Variants in ABCC6 observed in about 807,000 individuals in gnomAD.
ABCC6 encodes the protein ATP-binding cassette sub-family C member 6.
In ABCC6, 126 loss-of-function variants were observed where a neutral mutation model predicts 169.5. The ratio of observed to expected loss-of-function variants is 0.74; its 90% CI spans 0.64 to 0.86. The LOEUF (loss-of-function observed/expected upper bound fraction) is 0.86. Among genes scored for constraint, ABCC6 ranks in the 40% least tolerant of loss-of-function variants. The probability of loss-of-function intolerance (pLI) is 0.00; values close to 1 mark genes in which losing one functional copy is unlikely to be tolerated. For missense variants in ABCC6, 1,733 were observed against 1,927.2 expected (o/e 0.90, Z 1.89); for synonymous variants, 752 against 814.7 (o/e 0.92, Z 1.31).
Position 16,166,791 on chromosome 16 carries a change from TGAG to T in ABCC6, c.2996-861_2996-859del, listed in dbSNP as rs2046889695. On this transcript the variant is annotated intron_variant, in intron 22 of 30. Coordinates refer to ENST00000205557, the MANE Select transcript of ABCC6 (RefSeq NM_001171.6). ...CTGTAGTCCTAGCTACTCAGGAGGC[TGAG>T]TCAGGAGAAACACTGGAACCCAGGA... Among the ~76,000 whole-genome samples, 6 of 152,090 alleles carry T rather than the reference TGAG, an allele frequency of 3.9e-5. 1 individual carries two copies. Among genetic ancestry groups the T allele is most frequent in the Admixed American group, 3.3e-4 (5 of 15,268 alleles).
intron 4 of ABCC6, 123 bp from the exon 5 acceptor site, chr16:16,214,572 A>G (rs967988151): frequency 1.9e-5 from 28 of 1,498,340 alleles, no homozygotes; most frequent in Non-Finnish European, 2.4e-5. Context: ...TTTGAAAGCC[A>G]GAGCCCTGGC....
chr16:16,174,224 A>T (rs533642596), intron 20 of ABCC6, among the ~76,000 whole-genome samples: 13 of 152,044 alleles, frequency 8.6e-5, no homozygotes, highest in African/African-American at 3.1e-4. Context: ...ACTGCAACCT[A>T]CTCCTGTGTC....
At chr16:16,192,738 G>C in intron 11 of ABCC6, 92 bp downstream of exon 11, 2 of 1,206,614 alleles carry the variant, frequency 1.7e-6, no homozygotes, top group Non-Finnish European at 2.4e-6. Flanking sequence ...CCGTGGGCTC[G>C]CACTCAGCTC....
At chr16:16,213,353 C>T (rs2048712708) in intron 5 of ABCC6, among the ~76,000 whole-genome samples, 1 of 151,834 alleles carries the variant, frequency 6.6e-6, no homozygotes, top group Non-Finnish European at 1.5e-5. Context: ...TCCTCGGTCT[C>T]CCAAAGTGTT....
chr16:16,155,268 C>A, intron 27 of ABCC6: 1 of 594,982 alleles, frequency 1.7e-6, no homozygotes, highest in Non-Finnish European at 3.0e-6. Flanking sequence ...TCCCATCTTT[C>A]TCCCCACCCT....
rs149372155 is a variant in ABCC6 at position 16,163,297 on chromosome 16, G to C, written c.3307-105C>G. On this transcript the variant is annotated intron_variant, in intron 23 of 30. Coordinates refer to ENST00000205557, the MANE Select transcript of ABCC6 (RefSeq NM_001171.6). ...AGTACAGGATTCCAGACCAGGATCT[G>C]TTAACAGCTTACTGTGTGACCTTGG... 8.1e-4 allele frequency: 879 copies of C among 1,082,150 alleles called. 6 individuals carry two copies. In the African/African-American group the frequency reaches 0.012, roughly 15 times the overall value. The allele number at this position is 1,082,150 out of a possible 1,614,324, so 67.0% of individuals were successfully genotyped here. A position where few individuals can be genotyped will look rare whatever the true frequency, so the allele number is the denominator to read the frequency against.
chr16:16,156,292 G>C (rs991868496), intron 27 of ABCC6, among the ~76,000 whole-genome samples: 2 of 152,210 alleles, frequency 1.3e-5, no homozygotes, highest in African/African-American at 4.8e-5. Context: ...TGCTGCCTGG[G>C]ATTTGACAGA....
At position 16,165,783 on chromosome 16, in the gene ABCC6, GAGA is replaced by G. The variant is rs769437554; in HGVS notation, c.3143_3145del (p.Phe1048del). 15 of 1,613,784 alleles carry G rather than the reference GAGA, an allele frequency of 9.3e-6. No individual in the cohort carries two copies. Among genetic ancestry groups the G allele is most frequent in the Non-Finnish European group, 1.2e-5 (14 of 1,180,034 alleles). On this transcript the variant is annotated inframe_deletion, in exon 23 of 31. Transcript: ENST00000205557. ...CACGTCAACCGTGTCTGTCTCCTTG[GAGA>G]AGCGGTTTAGCAGGTGACCAATGGG...
chr16:16,188,208 C>T (rs915117559), intron 13 of ABCC6, among the ~76,000 whole-genome samples: 2 of 144,212 alleles, frequency 1.4e-5, no homozygotes, highest in Non-Finnish European at 3.0e-5. Context: ...GGTGAAATCT[C>T]ATCTCTACTA....
chr16:16,223,011 C>T (rs1158050852), intron 1 of ABCC6: 1 of 226,684 alleles, frequency 4.4e-6, no homozygotes, highest in African/African-American at 2.4e-5. Context: ...CCCTGGCCCT[C>T]GAAATGCTGG....
intron 24 of ABCC6, 61 bp from the exon 25 acceptor site, chr16:16,161,625 TG>T (rs2046722298): frequency 6.2e-7 from 1 of 1,609,586 alleles, no homozygotes; most frequent in African/African-American, 1.3e-5. Context: ...GATGCTTCTC[TG>T]GGCACAAGGA....
At chr16:16,191,282 A>T (rs2047846389) in intron 11 of ABCC6, among the ~76,000 whole-genome samples, 3 of 151,932 alleles carry the variant, frequency 2.0e-5, no homozygotes. Context: ...CGCCCGGCTA[A>T]ATTTTGTATT....
At chr16:16,179,682 C>A (rs948467532) in intron 17 of ABCC6, among the ~76,000 whole-genome samples, 2 of 152,166 alleles carry the variant, frequency 1.3e-5, no homozygotes, top group African/African-American at 4.8e-5. Context: ...CCTCTGCCTC[C>A]TGGGTTCAAG....
At chr16:16,202,722 C>T (rs571460793) in intron 8 of ABCC6, among the ~76,000 whole-genome samples, 4 of 152,264 alleles carry the variant, frequency 2.6e-5, no homozygotes, top group South Asian at 2.1e-4. Flanking sequence ...ATACTAATCT[C>T]GAACTTCCAG....
intron 17 of ABCC6, 144 bp from the exon 18 acceptor site, chr16:16,179,109 TC>T: frequency 1.1e-6 from 1 of 920,878 alleles, no homozygotes; most frequent in Non-Finnish European, 1.7e-6. Context: ...AGGCCCAGCT[TC>T]CAAGGCACTC....
intron 24 of ABCC6, 105 bp from the exon 25 acceptor site, chr16:16,161,669 G>T (rs1305359407): frequency 4.0e-6 from 6 of 1,511,730 alleles, no homozygotes; most frequent in Non-Finnish European, 5.4e-6. Flanking sequence ...ACACACAGGG[G>T]TCCCAGCAAT....
chr16:16,177,691 CCAA>C (rs2047327774), intron 18 of ABCC6, 65 bp from the exon 19 acceptor site: 1 of 1,592,490 alleles, frequency 6.3e-7, no homozygotes, highest in African/African-American at 1.3e-5. Flanking sequence ...GCCTGTAATC[CCAA>C]CACTTTGGGA....
At position 16,198,179 on chromosome 16, in the gene ABCC6, G is replaced by C. The variant is rs1393260628; in HGVS notation, c.1180C>G (p.Leu394Val). 1 of 1,594,458 alleles carries C rather than the reference G, an allele frequency of 6.3e-7. No homozygotes were observed. The highest frequency in any genetic ancestry group is 8.5e-7 in the Non-Finnish European group (1 of 1,170,028). Residue 394 changes from leucine to valine, a missense_variant, in exon 10 of 31, where the codon CTG becomes GTG. By Grantham distance (32) the Leu-to-Val change is conservative (BLOSUM62 1). Coordinates refer to ENST00000205557, the MANE Select transcript of ABCC6 (RefSeq NM_001171.6). ...AITGLVYRKV[L>V]ALSSGSRKAS... ...TTTCTGGAGCCGCTGGACAGAGCCA[G>C]GACCTGGCGGGTGGGCAGAAGGAGA...
intron 17 of ABCC6, chr16:16,181,924 C>T: frequency 4.3e-6 from 1 of 230,790 alleles, no homozygotes; most frequent in Middle Eastern, 1.7e-3. Flanking sequence ...CAGAGCAAGA[C>T]TCTGTCTCCA....
Sources: gnomAD v4.1 joint callset for allele counts (sites outside exome capture counted in the v4.1 genomes callset) on GRCh38, gnomAD v4.1.1 for gene constraint, MANE v1.5 for transcripts, NCBI Gene and HGNC (gene_info 2026-07-23, HGNC 2026-07-21) for gene names.